The following GDPD4 variants were observed in gnomAD, a reference collection of about 807,000 sequenced individuals.
GDPD4 encodes glycerophosphodiester phosphodiesterase 6.
In GDPD4, 60 loss-of-function variants were observed where a neutral mutation model predicts 67.8. The observed-to-expected ratio is 0.88, with a 90% CI of 0.72 to 1.10. GDPD4 has a LOEUF of 1.10. Ranked by LOEUF, GDPD4 falls within the 50% of genes least tolerant of loss-of-function variation. The pLI is 0.00. For missense variants in GDPD4, 623 were observed against 613.9 expected (o/e 1.01, Z -0.16); for synonymous variants, 212 against 210.9 (o/e 1.00, Z -0.04).
chr11:77,250,418 T>A (rs1355663344), intron 11 of GDPD4, among the ~76,000 whole-genome samples: 1 of 152,244 alleles, frequency 6.6e-6, no homozygotes. Flanking sequence ...AAGACAGGAT[T>A]TCACTCTTTT....
At position 77,233,028 on chromosome 11, in the gene GDPD4, G is replaced by A; in HGVS notation, c.1386C>T (p.Phe462=). 1.2e-6 allele frequency: 2 copies of A among 1,613,854 alleles called. No homozygotes were observed. Among genetic ancestry groups the A allele is most frequent in the Non-Finnish European group, 1.7e-6 (2 of 1,179,760 alleles). ...ACAATCTGGACAACCAGCTCACCATGAAGAAGTGAGGGTGATCAAGCTGAC... is the reference window on the plus strand; with the variant it reads ...ACAATCTGGACAACCAGCTCACCATAAAGAAGTGAGGGTGATCAAGCTGAC... ...LLSQLDHPHF[F]MTPKFYVFMW... is the part of the protein sequence containing the mutation. Residue 462 remains phenylalanine (F), a synonymous_variant, in exon 14 of 17, where the codon TTC becomes TTT. Transcript: ENST00000315938.
In GDPD4 at chr11:77,229,367, T is replaced by A. The variant is rs907795060; in HGVS notation, c.1390-135A>T. On this transcript the variant is annotated intron_variant, in intron 14 of 16. Coordinates refer to ENST00000315938, the MANE Select transcript of GDPD4 (RefSeq NM_182833.3). ...GGATAGACAGGCCAAGGAACCTTGA[T>A]TGATGTGGCATTCTCAAACACAGAC... The A allele has an allele frequency of 1.9e-5, 11 of 588,826 alleles. No individual in the cohort carries two copies. In the African/African-American group the frequency reaches 2.1e-4, roughly 11 times the overall value. 36.5% of individuals were successfully genotyped at this position (588,826 alleles called of 1,614,324 possible).
chr11:77,292,930 T>C (rs897810065), intron 1 of GDPD4, among the ~76,000 whole-genome samples: 1 of 152,090 alleles, frequency 6.6e-6, no homozygotes, highest in African/African-American at 2.4e-5. Flanking sequence ...CCTTTATCTA[T>C]CAAGTAAATT....
intron 16 of GDPD4, among the ~76,000 whole-genome samples, chr11:77,221,925 G>A (rs1374601683): frequency 2.0e-5 from 3 of 151,694 alleles, no homozygotes; most frequent in Non-Finnish European, 2.9e-5. Context: ...CCTGTATTGG[G>A]TGCATATATA....
intron 11 of GDPD4, among the ~76,000 whole-genome samples, chr11:77,253,420 T>G (rs1241634671): frequency 6.6e-6 from 1 of 152,086 alleles, no homozygotes; most frequent in East Asian, 1.9e-4. Context: ...GTATGGCTGT[T>G]GTTTGGGTCC....
intron 5 of GDPD4, among the ~76,000 whole-genome samples, chr11:77,274,954 G>A (rs1959387596): frequency 6.6e-6 from 1 of 152,134 alleles, no homozygotes; most frequent in Non-Finnish European, 1.5e-5. Context: ...TAGATAAAGA[G>A]TAAGTTCTAA....
At position 77,271,307 on chromosome 11, in the gene GDPD4, C is replaced by T. The variant is rs1331187445; in HGVS notation, c.294G>A (p.Gly98=). The change falls in exon 6 of 17, where the codon GGG becomes GGA. Residue 98 remains glycine (G), a synonymous_variant. Transcript: ENST00000315938. ...KFWKERWLVA[G]LSMQIFAPYV... ...GGATGATGCTTACCTGCATTGACAG[C>T]CCAGCTACCAGCCACCTTTCTTTCC... 3 of 1,613,018 alleles carry T rather than the reference C, an allele frequency of 1.9e-6. No individual in the cohort carries two copies. The highest frequency in any genetic ancestry group is 4.5e-5 in the East Asian group (2 of 44,896).
At chr11:77,275,375 T>C (rs1286816462) in intron 5 of GDPD4, among the ~76,000 whole-genome samples, 2 of 152,116 alleles carry the variant, frequency 1.3e-5, no homozygotes, top group East Asian at 3.9e-4. Flanking sequence ...ATAGACCCTG[T>C]GAAAGAAATC....
intron 16 of GDPD4, among the ~76,000 whole-genome samples, chr11:77,221,661 C>G (rs1281870710): frequency 2.0e-5 from 3 of 152,054 alleles, no homozygotes; most frequent in African/African-American, 7.2e-5. Context: ...ACTATGTGGT[C>G]AGTTTTGGAA....
rs754227790 is a variant in GDPD4, at chr11:77,285,099, G to A, written c.39C>T (p.Tyr13=). ...LFLWIETSSE[Y]FNFDWVTFLG... Reference sequence around the variant, plus strand: ...GTGAAACTCACCAGTCAAAGTTAAAGTATTCACTGGATGTTTCTATCCACA... The same window carrying A: ...GTGAAACTCACCAGTCAAAGTTAAAATATTCACTGGATGTTTCTATCCACA... Residue 13 remains tyrosine, a synonymous_variant, in exon 3 of 17, where the codon TAC becomes TAT. Transcript: ENST00000315938. 2 of 1,610,796 alleles carry A rather than the reference G, an allele frequency of 1.2e-6. No individual in the cohort carries two copies. Among genetic ancestry groups the A allele is most frequent in the Admixed American group, 1.7e-5 (1 of 59,930 alleles).
At chr11:77,228,004 C>A in intron 15 of GDPD4, 88 bp from the exon 16 acceptor site, 1 of 892,740 alleles carries the variant, frequency 1.1e-6, no homozygotes, top group South Asian at 1.3e-5. Context: ...CTTCTTCCCC[C>A]TTCCATCTTG....
At chr11:77,222,696 A>C (rs1354393496) in intron 16 of GDPD4, among the ~76,000 whole-genome samples, 1 of 152,040 alleles carries the variant, frequency 6.6e-6, no homozygotes, top group Non-Finnish European at 1.5e-5. Context: ...TGTGAATCTG[A>C]CAATTATGTG....
At chr11:77,221,807 G>A (rs1259985233) in intron 16 of GDPD4, among the ~76,000 whole-genome samples, 1 of 151,844 alleles carries the variant, frequency 6.6e-6, no homozygotes, top group Non-Finnish European at 1.5e-5. Context: ...CTGTCTCGTT[G>A]ATCTGTCTAA....
At position 77,258,471 on chromosome 11, in the gene GDPD4, G is replaced by T. The variant is rs751898495; in HGVS notation, c.779C>A (p.Pro260Gln). 6.2e-7 allele frequency: 1 copy of T among 1,614,000 alleles called. No individual in the cohort carries two copies. Residue 260 changes from proline (P) to glutamine (Q), a missense_variant, in exon 11 of 17, where the codon CCA becomes CAA. Coordinates refer to ENST00000315938, the MANE Select transcript of GDPD4 (RefSeq NM_182833.3). The part of the protein sequence containing the change: ...KRTTNIGEVQ[P>Q]ESACENPAFF... ...GGCAGGGTTCTCGCAGGCAGATTCT[G>T]GCTGAACTTCCCCAATATTGGTTGT...
intron 1 of GDPD4, among the ~76,000 whole-genome samples, chr11:77,298,371 G>C (rs1327434876): frequency 1.3e-5 from 2 of 152,152 alleles, no homozygotes; most frequent in Admixed American, 1.3e-4. Context: ...AATTAGCCAG[G>C]TGTGGTGGCG....
At position 77,232,341 on chromosome 11, in the gene GDPD4, G is replaced by A. The variant is rs569639157; in HGVS notation, c.1389+684C>T. Among the ~76,000 whole-genome samples the A allele has an allele frequency of 2.0e-5, 3 of 152,348 alleles. No individual in the cohort carries two copies. In the East Asian group the frequency reaches 5.8e-4, roughly 29 times the overall value. On this transcript the variant is annotated intron_variant, in intron 14 of 16. Transcript: ENST00000315938. ...GAAATTAAACTGTTTTCTGTTGTATGCTATTGTGTCCCACTCAGTCAACCT... is the reference window on the plus strand; with the variant it reads ...GAAATTAAACTGTTTTCTGTTGTATACTATTGTGTCCCACTCAGTCAACCT...
chr11:77,287,876 T>C (rs770174478), intron 1 of GDPD4, among the ~76,000 whole-genome samples: 7 of 152,246 alleles, frequency 4.6e-5, no homozygotes, highest in Non-Finnish European at 8.8e-5. Flanking sequence ...CTCTCCCATA[T>C]GGAATCAGTT....
intron 1 of GDPD4, among the ~76,000 whole-genome samples, chr11:77,292,026 C>CA (rs577830456): frequency 4.0e-5 from 6 of 150,018 alleles, no homozygotes; most frequent in Non-Finnish European, 8.9e-5. Context: ...GTGAAAGTCT[C>CA]AAAAAAAAAT....
At chr11:77,233,225 A>T (rs1162234744) in intron 13 of GDPD4, 53 bp from the exon 14 acceptor site, 1 of 1,560,282 alleles carries the variant, frequency 6.4e-7, no homozygotes, top group African/African-American at 1.4e-5. Context: ...CATTCTCATC[A>T]TCTAAAAGGA....
Sources: gnomAD v4.1 joint callset for allele counts (sites outside exome capture counted in the v4.1 genomes callset) on GRCh38, gnomAD v4.1.1 for gene constraint, MANE v1.5 for transcripts, NCBI Gene and HGNC (gene_info 2026-07-23, HGNC 2026-07-21) for gene names.